Variants in SFRP5 observed in about 807,000 individuals in gnomAD.
SFRP5 encodes secreted frizzled-related protein 5.
SFRP5 carries 22 observed loss-of-function variants against 27.0 expected under a neutral mutation model. That is an observed-to-expected ratio of 0.82 (90% CI 0.58 to 1.17). The LOEUF is 1.17. Among genes scored for constraint, SFRP5 ranks in the 50% most tolerant of loss-of-function variants. The pLI is 0.00. For synonymous variants in SFRP5, 171 were observed against 195.0 expected (o/e 0.88, Z 1.03); for missense variants, 406 against 436.6 (o/e 0.93, Z 0.63).
rs1320625709 is a variant in SFRP5, at chr10:97,767,728, A to G, written c.740T>C (p.Met247Thr). ...GCAGGGGCAGCCCGCGCCATTCTTCATGTGCAGCACCAGCCGCTTGGTGTC... is the reference window on the plus strand; with the variant it reads ...GCAGGGGCAGCCCGCGCCATTCTTCGTGTGCAGCACCAGCCGCTTGGTGTC... Reference protein sequence around the residue: ...RKDTKRLVLHMKNGAGCPCPQ... With the variant: ...RKDTKRLVLHTKNGAGCPCPQ... Residue 247 changes from methionine to threonine, a missense_variant, in exon 3 of 3, where the codon ATG becomes ACG. Coordinates refer to ENST00000266066, the MANE Select transcript of SFRP5 (RefSeq NM_003015.3). 6.2e-7 allele frequency: 1 copy of G among 1,613,528 alleles called. No homozygotes were observed. The highest frequency in any genetic ancestry group is 1.7e-5 in the Admixed American group (1 of 59,948).
chr10:97,771,713 G>C lies in SFRP5; in HGVS notation c.121C>G (p.Pro41Ala). 6.3e-7 allele frequency: 1 copy of C among 1,596,626 alleles called. No individual in the cohort carries two copies. Among genetic ancestry groups the C allele is most frequent in the East Asian group, 2.2e-5 (1 of 44,798 alleles). Residue 41 changes from proline to alanine, a missense_variant, in exon 1 of 3, where the codon CCG (proline) becomes GCG (alanine). Pro to Ala is a conservative substitution (Grantham distance 27). Coordinates refer to ENST00000266066, the MANE Select transcript of SFRP5 (RefSeq NM_003015.3). The surrounding 1 kb of genome is among the most constrained non-coding windows in gnomAD (Gnocchi z 5.2). ...EYDYYGWQAE[P>A]LHGRSYSKPP... is the part of the protein sequence containing the mutation. ...TTGGAGTAGGAGCGGCCGTGCAGCG[G>C]CTCGGCCTGCCAGCCATAGTAGTCG...
At position 97,771,269 on chromosome 10, in the gene SFRP5, C is replaced by A. The variant is rs537589928; in HGVS notation, c.529+36G>T. On this transcript the variant is annotated intron_variant, in intron 1 of 2. Coordinates refer to ENST00000266066, the MANE Select transcript of SFRP5 (RefSeq NM_003015.3). This position sits in a 1 kb window ranked among gnomAD's most constrained non-coding sequence, Gnocchi z 5.2. The stretch of plus-strand genomic sequence containing the variant: ...AGCTGTGCTAGGGGAGCTGCAGGGC[C>A]GTCGGAGCGCGCGGGGACGGCGGCG... 1.4e-6 allele frequency: 2 copies of A among 1,435,252 alleles called. No individual in the cohort carries two copies. 88.9% of individuals were successfully genotyped at this position (1,435,252 alleles called of 1,614,324 possible).
chr10:97,769,812 T>C, intron 1 of SFRP5, 67 bp from the exon 2 acceptor site: 2 of 1,135,660 alleles, frequency 1.8e-6, no homozygotes, highest in South Asian at 2.6e-5. Context: ...CAAGAGCCAC[T>C]TGGGGTGCAG....
At position 97,771,740 on chromosome 10, in the gene SFRP5, A is replaced by T; in HGVS notation, c.94T>A (p.Tyr32Asn). The T allele has an allele frequency of 6.3e-7, 1 of 1,593,926 alleles. No individual in the cohort carries two copies. Residue 32 changes from tyrosine (Y) to asparagine (N), a missense_variant, in exon 1 of 3, where the codon TAC becomes AAC. By Grantham distance (143) the Tyr-to-Asn change is moderately radical. Coordinates refer to ENST00000266066, the MANE Select transcript of SFRP5 (RefSeq NM_003015.3). This position sits in a 1 kb window ranked among gnomAD's most constrained non-coding sequence, Gnocchi z 5.2. The part of the protein sequence containing the change: ...LHWAPARCEE[Y>N]DYYGWQAEPL... The stretch of plus-strand genomic sequence containing the variant: ...TCGGCCTGCCAGCCATAGTAGTCGT[A>T]CTCCTCGCAGCGCGCCGGCGCCCAG...
Position 97,769,604 on chromosome 10 carries a change from G to A in SFRP5, c.607+64C>T. The A allele has an allele frequency of 2.7e-6, 3 of 1,120,796 alleles. No individual in the cohort carries two copies. In the East Asian group the frequency reaches 7.4e-5, roughly 28 times the overall value. The allele number at this position is 1,120,796 out of a possible 1,614,324, so 69.4% of individuals were successfully genotyped here. A position where few individuals can be genotyped will look rare whatever the true frequency, so the allele number is the denominator to read the frequency against. ...TGGATGTGGGCATGTATGTTCCCGT[G>A]TGCGTCAAGAAAGAGGGGCTGGGGG... On this transcript the variant is annotated intron_variant, in intron 2 of 2. Coordinates refer to ENST00000266066, the MANE Select transcript of SFRP5 (RefSeq NM_003015.3).
chr10:97,771,453 C>T lies in SFRP5; in HGVS notation c.381G>A (p.Leu127=), dbSNP rs1253429741. Residue 127 remains leucine (L), a synonymous_variant, in exon 1 of 3, where the codon CTG becomes CTA. Transcript: ENST00000266066. This position sits in a 1 kb window ranked among gnomAD's most constrained non-coding sequence, Gnocchi z 5.2. The part of the protein sequence containing the change: ...LDRPIYPCRS[L]CEAVRAGCAP... Reference sequence around the variant, plus strand: ...CGCAGCCGGCGCGCACGGCCTCGCACAGCGAGCGGCACGGGTAGATGGGCC... The same window carrying T: ...CGCAGCCGGCGCGCACGGCCTCGCATAGCGAGCGGCACGGGTAGATGGGCC... The T allele has an allele frequency of 1.2e-6, 2 of 1,612,586 alleles. No homozygotes were observed. The highest frequency in any genetic ancestry group is 2.7e-5 in the African/African-American group (2 of 74,870).
Position 97,767,392 on chromosome 10 carries a change from AG to A in SFRP5, c.*121del, listed in dbSNP as rs1590134476. 1.3e-6 allele frequency: 1 copy of A among 743,752 alleles called. No individual in the cohort carries two copies. The highest frequency in any genetic ancestry group is 2.7e-5 in the East Asian group (1 of 36,870). The allele number at this position is 743,752 out of a possible 1,614,324, so 46.1% of individuals were successfully genotyped here. ...AGCCTGGGCTCCGTGCCCATCCCTTAGGCCTTGTGCCAGTAACAACATTCGT... is the reference window on the plus strand; with the variant it reads ...AGCCTGGGCTCCGTGCCCATCCCTTAGCCTTGTGCCAGTAACAACATTCGT... On this transcript the variant is annotated 3_prime_UTR_variant, in exon 3 of 3. Transcript: ENST00000266066.
rs2049505103 is a variant in SFRP5, at chr10:97,769,713, G to A, written c.562C>T (p.His188Tyr). 6.2e-7 allele frequency: 1 copy of A among 1,613,688 alleles called. No individual in the cohort carries two copies. The highest frequency in any genetic ancestry group is 8.5e-7 in the Non-Finnish European group (1 of 1,179,850). The change falls in exon 2 of 3, where the codon CAC becomes TAC. Residue 188 changes from histidine (H) to tyrosine (Y), a missense_variant. By Grantham distance (83) the His-to-Tyr change is moderately conservative. Coordinates refer to ENST00000266066, the MANE Select transcript of SFRP5 (RefSeq NM_003015.3). Reference protein sequence around the residue: ...TKICAQCEMEHSADGLMEQMC... With the variant: ...TKICAQCEMEYSADGLMEQMC... ...TGCTCCATGAGGCCGTCAGCACTGTGCTCCATCTCACACTGGGCGCAGATC... is the reference window on the plus strand; with the variant it reads ...TGCTCCATGAGGCCGTCAGCACTGTACTCCATCTCACACTGGGCGCAGATC...
chr10:97,767,472 G>T lies in SFRP5; in HGVS notation c.*42C>A. 1 of 1,490,132 alleles carries T rather than the reference G, an allele frequency of 6.7e-7. No individual in the cohort carries two copies. The highest frequency in any genetic ancestry group is 9.1e-7 in the Non-Finnish European group (1 of 1,095,474). The allele number at this position is 1,490,132 out of a possible 1,614,324, so 92.3% of individuals were successfully genotyped here. A position where few individuals can be genotyped will look rare whatever the true frequency, so the allele number is the denominator to read the frequency against. On this transcript the variant is annotated 3_prime_UTR_variant, in exon 3 of 3. Transcript: ENST00000266066. ...GCCTGGAAGTTGGGGCGGGGCCAGAGGGCAAGCAAGGCACAGCTGGCAGGG... is the reference window on the plus strand; with the variant it reads ...GCCTGGAAGTTGGGGCGGGGCCAGATGGCAAGCAAGGCACAGCTGGCAGGG...
Position 97,767,808 on chromosome 10 carries a change from C to T in SFRP5, c.660G>A (p.Leu220=). Residue 220 remains leucine (L), a synonymous_variant, in exon 3 of 3, where the codon CTG becomes CTA. Transcript: ENST00000266066. The stretch of plus-strand genomic sequence containing the variant: ...GCTTCTTCTTTTTCTGGGCTCCAAT[C>T]AGCTTCCGGTCCCCATTCTCTATCT... The part of the protein sequence containing the change: ...EIKIENGDRK[L]IGAQKKKKLL... 1 of 1,542,990 alleles carries T rather than the reference C, an allele frequency of 6.5e-7. No individual in the cohort carries two copies. Among genetic ancestry groups the T allele is most frequent in the Non-Finnish European group, 8.7e-7 (1 of 1,149,092 alleles).
Position 97,767,170 on chromosome 10 carries a change from G to A in SFRP5, c.*344C>T. On this transcript the variant is annotated 3_prime_UTR_variant, in exon 3 of 3. Transcript: ENST00000266066. ...GGTGAGGCCCCACCACCGACAGAGG[G>A]GAGCTGGAGCTGACACCACCTTCTA... The A allele has an allele frequency of 4.7e-6, 1 of 214,388 alleles. No homozygotes were observed. The highest frequency in any genetic ancestry group is 5.4e-5 in the Admixed American group (1 of 18,642). 13.3% of individuals were successfully genotyped at this position (214,388 alleles called of 1,614,324 possible).
chr10:97,771,604 A>C lies in SFRP5; in HGVS notation c.230T>G (p.Leu77Arg). 6.2e-7 allele frequency: 1 copy of C among 1,611,262 alleles called. No individual in the cohort carries two copies. The highest frequency in any genetic ancestry group is 8.5e-7 in the Non-Finnish European group (1 of 1,179,588). Residue 77 changes from leucine (L) to arginine (R), a missense_variant, in exon 1 of 3, where the codon CTG (leucine) becomes CGG (arginine). Transcript: ENST00000266066. This position sits in a 1 kb window ranked among gnomAD's most constrained non-coding sequence, Gnocchi z 5.2. The stretch of plus-strand genomic sequence containing the variant: ...CACTTCGGCCAGGCTCTCGTGCTCC[A>C]GCAGGTTGGGCAGCCGCATGCGCTT... The part of the protein sequence containing the change: ...GYKRMRLPNL[L>R]EHESLAEVKQ...
At chr10:97,769,865 T>C (rs2049505689) in intron 1 of SFRP5, 120 bp from the exon 2 acceptor site, 2 of 696,842 alleles carry the variant, frequency 2.9e-6, no homozygotes, top group African/African-American at 3.5e-5. Context: ...AAGCCTCTAC[T>C]TCCTTATCAG....
chr10:97,770,785 A>C (rs1035838814), intron 1 of SFRP5, among the ~76,000 whole-genome samples: 1 of 152,158 alleles, frequency 6.6e-6, no homozygotes, highest in African/African-American at 2.4e-5. Context: ...ACGGGGACGC[A>C]GATCATAGTC....
chr10:97,767,287 C>T lies in SFRP5; in HGVS notation c.*227G>A, dbSNP rs565117250. 6.4e-5 allele frequency: 31 copies of T among 487,868 alleles called. No homozygotes were observed. The East Asian group carries it at 9.5e-4, about 15-fold the overall frequency. 30.2% of individuals were successfully genotyped at this position (487,868 alleles called of 1,614,324 possible). A position where few individuals can be genotyped will look rare whatever the true frequency, so the allele number is the denominator to read the frequency against. ...CTACTTTCTGAGACCCTGAGGTCTT[C>T]ACCCAGATGAAGAAGCCCTGCTCCT... On this transcript the variant is annotated 3_prime_UTR_variant, in exon 3 of 3. Transcript: ENST00000266066.
In SFRP5 at chr10:97,767,467, C is replaced by T. The variant is rs144769320; in HGVS notation, c.*47G>A. ...GGTCAGCCTGGAAGTTGGGGCGGGG[C>T]CAGAGGGCAAGCAAGGCACAGCTGG... On this transcript the variant is annotated 3_prime_UTR_variant, in exon 3 of 3. Coordinates refer to ENST00000266066, the MANE Select transcript of SFRP5 (RefSeq NM_003015.3). 20,701 of 1,463,970 alleles carry T rather than the reference C, an allele frequency of 0.014. 208 individuals are homozygous for T. The highest frequency in any genetic ancestry group is 0.016 in the Non-Finnish European group (17,060 of 1,075,962). The allele number at this position is 1,463,970 out of a possible 1,614,324, so 90.7% of individuals were successfully genotyped here.
chr10:97,767,704 CA>C lies in SFRP5; in HGVS notation c.763del (p.Cys255AlafsTer37). The stretch of plus-strand genomic sequence containing the variant: ...GCCCGCCAGGCTGTCCAGCTGTGGG[CA>C]GGGGCAGCCCGCGCCATTCTTCATG... Reference protein sequence around the residue: ...LHMKNGAGCPCPQLDSLAGSF... With the variant: ...LHMKNGAGCPXPQLDSLAGSF... On this transcript the variant is annotated frameshift_variant, in exon 3 of 3. Coordinates refer to ENST00000266066, the MANE Select transcript of SFRP5 (RefSeq NM_003015.3). LOFTEE classifies it high-confidence loss of function. 6.2e-7 allele frequency: 1 copy of C among 1,613,968 alleles called. No homozygotes were observed. Among genetic ancestry groups the C allele is most frequent in the African/African-American group, 1.3e-5 (1 of 75,064 alleles).
At chr10:97,768,063 C>T (rs2049495681) in intron 2 of SFRP5, among the ~76,000 whole-genome samples, 1 of 152,126 alleles carries the variant, frequency 6.6e-6, no homozygotes. Context: ...CATCACGTTT[C>T]ATCCTCAAGG....
intron 1 of SFRP5, among the ~76,000 whole-genome samples, chr10:97,770,791 T>C (rs924514974): frequency 2.0e-5 from 3 of 152,158 alleles, no homozygotes; most frequent in African/African-American, 7.2e-5. Flanking sequence ...ACGCAGATCA[T>C]AGTCCAGAAC....
Sources: allele counts gnomAD v4.1 joint callset (sites outside exome capture counted in the v4.1 genomes callset), GRCh38; gene constraint gnomAD v4.1.1; non-coding constraint Gnocchi (gnomAD v3.1); transcripts MANE v1.5; gene names NCBI Gene and HGNC (gene_info 2026-07-23, HGNC 2026-07-21).